The following MTCL1 variants were observed in gnomAD, a reference collection of about 807,000 sequenced individuals.
MTCL1 encodes microtubule crosslinking factor 1, also known as microtubule cross-linking factor 1.
A neutral mutation model predicts 141.4 loss-of-function variants in MTCL1; 79 were observed. The observed-to-expected ratio is 0.56, with a 90% CI of 0.47 to 0.67. MTCL1 has a LOEUF of 0.67. Ranked by LOEUF, MTCL1 falls within the 30% of genes least tolerant of loss-of-function variation. The pLI is 0.00. For synonymous variants in MTCL1, 914 were observed against 875.8 expected, an observed-to-expected ratio of 1.04 and a Z score of -0.77; for missense variants, 2,177 against 2,113.9, an observed-to-expected ratio of 1.03 and a Z score of -0.59.
intron 5 of MTCL1, chr18:8,782,307 C>A (rs2096535346): frequency 1.3e-5 from 2 of 152,208 alleles, no homozygotes; most frequent in Non-Finnish European, 2.9e-5. Context: ...TTGACAGTTT[C>A]TCTGTGTGAT....
intron 4 of MTCL1, among the ~76,000 whole-genome samples, chr18:8,762,576 C>T (rs1465709289): frequency 6.6e-6 from 1 of 152,252 alleles, no homozygotes; most frequent in Non-Finnish European, 1.5e-5. Flanking sequence ...CCACAGAAGG[C>T]AGTTTCCTAC....
chr18:8,811,524 TATATATAC>T (rs1224188967), intron 11 of MTCL1, among the ~76,000 whole-genome samples: 2 of 150,512 alleles, frequency 1.3e-5, no homozygotes, highest in Non-Finnish European at 1.5e-5. Context: ...AATCTTTATA[TATATATAC>T]ATATATATAT....
At chr18:8,780,203 C>T (rs992845788) in intron 5 of MTCL1, among the ~76,000 whole-genome samples, 6 of 152,204 alleles carry the variant, frequency 3.9e-5, no homozygotes, top group East Asian at 1.9e-4. Flanking sequence ...TTTCCCCTTC[C>T]GTGGGGTTTG....
chr18:8,829,228 A>C, intron 16 of MTCL1: 1 of 985,376 alleles, frequency 1.0e-6, no homozygotes, highest in Non-Finnish European at 1.2e-6. Flanking sequence ...GCTTTTGTAC[A>C]TTTGCAGCCA....
intron 16 of MTCL1, 171 bp from the exon 15 acceptor site, chr18:8,831,436 T>C: frequency 7.0e-7 from 1 of 1,429,054 alleles, no homozygotes; most frequent in Non-Finnish European, 9.1e-7. Context: ...TGTTGAATTC[T>C]TTATTATTTT....
At chr18:8,733,507 G>A (rs1023312302) in intron 4 of MTCL1, among the ~76,000 whole-genome samples, 4 of 152,276 alleles carry the variant, frequency 2.6e-5, no homozygotes, top group African/African-American at 4.8e-5. Context: ...CTGGGTTCAA[G>A]CGATTCTCCT....
intron 4 of MTCL1, among the ~76,000 whole-genome samples, chr18:8,755,017 G>A (rs1264299027): frequency 6.6e-6 from 1 of 152,132 alleles, no homozygotes; most frequent in Middle Eastern, 3.2e-3. Context: ...ATAATATCTG[G>A]GAGTGCTTCG....
chr18:8,806,830 CCTCTT>C, intron 10 of MTCL1, 58 bp from the exon 10 acceptor site: 1 of 1,494,346 alleles, frequency 6.7e-7, no homozygotes, highest in Admixed American at 1.8e-5. Context: ...CAGATCCTCT[CCTCTT>C]CTGACCTAAA....
rs148154373 is a variant in MTCL1, at chr18:8,735,746, G to A, written c.357+15250G>A. 9.1e-4 allele frequency among the ~76,000 whole-genome samples: 138 copies of A among 152,214 alleles called. 2 individuals carry two copies. Among genetic ancestry groups the A allele is most frequent in the African/African-American group, 3.3e-3 (135 of 41,494 alleles). On this transcript the variant is annotated intron_variant, in intron 4 of 16. Coordinates refer to ENST00000359865, the Ensembl canonical transcript of MTCL1. The stretch of plus-strand genomic sequence containing the variant: ...GAGAGCCACGGGCTGAGTGTTTCCC[G>A]ATGCTCAAAGCAACTCAGTGTCAGG...
At chr18:8,811,519 TTA>T (rs1555671020) in intron 11 of MTCL1, among the ~76,000 whole-genome samples, 2 of 149,542 alleles carry the variant, frequency 1.3e-5, no homozygotes, top group African/African-American at 2.5e-5. Flanking sequence ...TCATTAATCT[TTA>T]TATATATATA....
intron 7 of MTCL1, 104 bp downstream of exon 6, chr18:8,786,195 G>C: frequency 7.7e-7 from 1 of 1,294,280 alleles, no homozygotes; most frequent in South Asian, 1.3e-5. Flanking sequence ...GAGGGAACAT[G>C]GCAGGAGGAG....
intron 4 of MTCL1, among the ~76,000 whole-genome samples, chr18:8,758,280 C>T (rs180879681): frequency 3.1e-4 from 47 of 152,244 alleles, no homozygotes; most frequent in African/African-American, 8.4e-4. Context: ...GCCTCGGCCT[C>T]CCAAAATACT....
chr18:8,718,465 A>G (rs766348960), exon 3 of MTCL1: 2 of 1,614,086 alleles, frequency 1.2e-6, no homozygotes, highest in Non-Finnish European at 1.7e-6. Flanking sequence ...AAGAGATGAG[A>G]GACAGTTATT....
Position 8,822,707 on chromosome 18 carries a change from C to T in MTCL1, c.3188+1209C>T, listed in dbSNP as rs556830898. Among the ~76,000 whole-genome samples, 3 of 151,696 alleles carry T rather than the reference C, an allele frequency of 2.0e-5. No homozygotes were observed. The highest frequency in any genetic ancestry group is 2.0e-4 in the Admixed American group (3 of 15,272). ...TTTTGATTATCTTTTTTTTTTGCAG[C>T]TTATGTATGTTAATACACATAATGA... On this transcript the variant is annotated intron_variant, in intron 14 of 16. Transcript: ENST00000359865. The surrounding 1 kb of genome is among the most constrained non-coding windows in gnomAD (Gnocchi z 4.6).
intron 7 of MTCL1, chr18:8,787,151 T>C (rs2096559138): frequency 6.6e-6 from 1 of 152,288 alleles, no homozygotes; most frequent in African/African-American, 2.4e-5. Flanking sequence ...ATGCATCGCA[T>C]AGCTTCAGAA....
In MTCL1 at chr18:8,830,520, C is replaced by G; in HGVS notation, c.*19-1087C>G. 2.0e-6 allele frequency: 2 copies of G among 986,358 alleles called. No individual in the cohort carries two copies. The highest frequency in any genetic ancestry group is 2.4e-6 in the Non-Finnish European group (2 of 830,646). 61.1% of individuals were successfully genotyped at this position (986,358 alleles called of 1,614,324 possible). A position where few individuals can be genotyped will look rare whatever the true frequency, so the allele number is the denominator to read the frequency against. ...TGCCCATTCCGTGCAGCCGTCTGTC[C>G]TTCCCCCGCTGCTGCTCCCCTGCAC... On this transcript the variant is annotated intron_variant, in intron 16 of 16. Transcript: ENST00000359865. This position sits in a 1 kb window ranked among gnomAD's most constrained non-coding sequence, Gnocchi z 6.4.
intron 4 of MTCL1, among the ~76,000 whole-genome samples, chr18:8,739,252 AT>A (rs763523528): frequency 1.3e-5 from 2 of 152,150 alleles, no homozygotes; most frequent in Non-Finnish European, 2.9e-5. Context: ...CTCTAAAAAA[AT>A]TAAAAATTAA....
intron 12 of MTCL1, among the ~76,000 whole-genome samples, chr18:8,818,045 C>T (rs1472974187): frequency 6.6e-6 from 1 of 152,176 alleles, no homozygotes; most frequent in African/African-American, 2.4e-5. Context: ...CTTCCTGAGC[C>T]ACCTCCACGA....
chr18:8,711,543 C>T (rs1336062907), intron 1 of MTCL1, among the ~76,000 whole-genome samples: 1 of 148,100 alleles, frequency 6.8e-6, no homozygotes, highest in Non-Finnish European at 1.5e-5. Flanking sequence ...ACATCCTCTC[C>T]AGCACCTGTT....
Sources: gnomAD v4.1 joint callset for allele counts (sites outside exome capture counted in the v4.1 genomes callset) on GRCh38, gnomAD v4.1.1 for gene constraint, Gnocchi (gnomAD v3.1) non-coding constraint, MANE v1.5 for transcripts, NCBI Gene and HGNC (gene_info 2026-07-23, HGNC 2026-07-21) for gene names.